Variants in RNF20 observed in about 807,000 individuals in gnomAD.
RNF20 encodes ring finger protein 20, also known as E3 ubiquitin-protein ligase BRE1A.
A neutral mutation model predicts 126.2 loss-of-function variants in RNF20; 84 were observed. The observed-to-expected ratio is 0.67, with a 90% CI of 0.56 to 0.80. RNF20 has a LOEUF of 0.80. Among genes scored for constraint, RNF20 ranks in the 30% least tolerant of loss-of-function variants. The pLI is 0.00. For synonymous variants in RNF20, 400 were observed against 414.3 expected, an observed-to-expected ratio of 0.97 and a Z score of 0.42; for missense variants, 869 against 1,188.2, an observed-to-expected ratio of 0.73 and a Z score of 3.95.
intron 18 of RNF20, 48 bp downstream of exon 18, chr9:101,561,278 TC>T: frequency 6.3e-7 from 1 of 1,588,024 alleles, no homozygotes; most frequent in South Asian, 1.1e-5. Context: ...TTTTCTGAGG[TC>T]GGAAGTGACC....
At chr9:101,541,244 A>T (rs1170424367) in intron 5 of RNF20, among the ~76,000 whole-genome samples, 1 of 151,946 alleles carries the variant, frequency 6.6e-6, no homozygotes, top group African/African-American at 2.4e-5. Flanking sequence ...TAATATTTTA[A>T]CCTTTTTGTA....
At chr9:101,549,625 C>T (rs773533655) in intron 9 of RNF20, among the ~76,000 whole-genome samples, 2 of 152,086 alleles carry the variant, frequency 1.3e-5, no homozygotes, top group Non-Finnish European at 2.9e-5. Flanking sequence ...GGTGTTTTCC[C>T]TTGACACTTA....
rs1827617089 is a variant in RNF20, at chr9:101,560,946, T to C, written c.2508+20T>C. On this transcript the variant is annotated intron_variant, in intron 17 of 19. Transcript: ENST00000389120. ...CGCAAGGTATGATTGATTAATCTAA[T>C]GATGGTTAGTCTCAGTGGAACAAAT... The C allele has an allele frequency of 6.2e-7, 1 of 1,606,710 alleles. No homozygotes were observed. Among genetic ancestry groups the C allele is most frequent in the Admixed American group, 1.7e-5 (1 of 58,482 alleles).
rs1168091949 is a variant in RNF20 at position 101,540,239 on chromosome 9, C to T, written c.166C>T (p.Arg56Cys). 11 of 1,614,106 alleles carry T rather than the reference C, an allele frequency of 6.8e-6. No individual in the cohort carries two copies. The highest frequency in any genetic ancestry group is 1.7e-4 in the Middle Eastern group (1 of 6,060). ...CATTAGAACACTGCAAACCAAAAAT[C>T]GCAAGCTGGCAGAAATGTTGGATCA... The part of the protein sequence containing the change: ...LDIRTLQTKN[R>C]KLAEMLDQRQ... Residue 56 changes from arginine to cysteine, a missense_variant, in exon 3 of 20, where the codon CGC (arginine) becomes TGC (cysteine). Physicochemically the swap from Arg to Cys is radical, Grantham distance 180. Around this residue, in one of 8 missense-constraint regions of RNF20, gnomAD observed 157 missense variants for 236.0 expected, o/e 0.67. Transcript: ENST00000389120.
At chr9:101,561,013 C>A in intron 17 of RNF20, 77 bp from the exon 18 acceptor site, 3 of 1,598,206 alleles carry the variant, frequency 1.9e-6, no homozygotes, top group South Asian at 1.1e-5. Context: ...TTTATTCCTT[C>A]AACTTGGGCT....
rs1368803463 is a variant in RNF20 at position 101,563,156 on chromosome 9, C to CT, written c.*735dup. 2.0e-5 allele frequency: 3 copies of CT among 152,568 alleles called. No homozygotes were observed. In the East Asian group the frequency reaches 5.8e-4, roughly 29 times the overall value. 9.5% of individuals were successfully genotyped at this position (152,568 alleles called of 1,614,324 possible). A position where few individuals can be genotyped will look rare whatever the true frequency, so the allele number is the denominator to read the frequency against. On this transcript the variant is annotated 3_prime_UTR_variant, in exon 20 of 20. Transcript: ENST00000389120. ...AAAGATTGAAGAGGTTGAGTCAGGA[C>CT]TGAGCTGGTGAAGAAATCTTGTGGG...
chr9:101,562,116 G>T, intron 19 of RNF20, 105 bp downstream of exon 19: 1 of 1,289,612 alleles, frequency 7.8e-7, no homozygotes, highest in Non-Finnish European at 1.1e-6. Context: ...GGTTTATTTT[G>T]GAGGTTGGGG....
intron 5 of RNF20, among the ~76,000 whole-genome samples, chr9:101,542,191 T>C (rs1564107598): frequency 6.6e-6 from 1 of 152,236 alleles, no homozygotes; most frequent in Non-Finnish European, 1.5e-5. Context: ...AAGCAGCTTG[T>C]AGAAGGCCTG....
rs1827166621 is a variant in RNF20, at chr9:101,535,394, T to G, written c.-26-4T>G. The stretch of plus-strand genomic sequence containing the variant: ...ATGTCAGTTTCTGCCTTTTTTTCTA[T>G]CAGGAAAACGACTGTCTTCTTCTGC... On this transcript the variant is annotated splice_polypyrimidine_tract_variant and splice_region_variant and intron_variant, in intron 1 of 19. Transcript: ENST00000389120. 1 of 1,602,616 alleles carries G rather than the reference T, an allele frequency of 6.2e-7. No homozygotes were observed. Among genetic ancestry groups the G allele is most frequent in the South Asian group, 1.1e-5 (1 of 89,150 alleles).
At chr9:101,535,177 G>A (rs1588214703) in intron 1 of RNF20, among the ~76,000 whole-genome samples, 1 of 151,792 alleles carries the variant, frequency 6.6e-6, no homozygotes. Context: ...AAAGTGCTGG[G>A]ATTACAGACA....
At chr9:101,542,130 ATT>A (rs1827269014) in intron 5 of RNF20, among the ~76,000 whole-genome samples, 1 of 152,250 alleles carries the variant, frequency 6.6e-6, no homozygotes. Flanking sequence ...GAATTGTATT[ATT>A]CTGTAATTTT....
At chr9:101,541,680 A>G (rs1285644012) in intron 5 of RNF20, among the ~76,000 whole-genome samples, 2 of 152,212 alleles carry the variant, frequency 1.3e-5, no homozygotes, top group Non-Finnish European at 2.9e-5. Context: ...ATTATTAGTT[A>G]CAGAATTTTG....
Position 101,544,895 on chromosome 9 carries a change from C to G in RNF20, c.747+10C>G. 2 of 1,528,324 alleles carry G rather than the reference C, an allele frequency of 1.3e-6. No homozygotes were observed. The highest frequency in any genetic ancestry group is 1.8e-6 in the Non-Finnish European group (2 of 1,102,374). The allele number at this position is 1,528,324 out of a possible 1,614,324, so 94.7% of individuals were successfully genotyped here. A position where few individuals can be genotyped will look rare whatever the true frequency, so the allele number is the denominator to read the frequency against. Reference sequence around the variant, plus strand: ...CACCATGTCTCAGGAGGTACTTAACCAAAAAGGAGAGATGGCTGTGTCTAG... The same window carrying G: ...CACCATGTCTCAGGAGGTACTTAACGAAAAAGGAGAGATGGCTGTGTCTAG... On this transcript the variant is annotated intron_variant, in intron 6 of 19. Coordinates refer to ENST00000389120, the MANE Select transcript of RNF20 (RefSeq NM_019592.7).
chr9:101,542,009 T>A (rs984792976), intron 5 of RNF20, among the ~76,000 whole-genome samples: 2 of 152,230 alleles, frequency 1.3e-5, no homozygotes, highest in Admixed American at 1.3e-4. Context: ...ATAATCATGG[T>A]CTAGTTGTAA....
chr9:101,540,679 GT>G (rs1243805672), intron 4 of RNF20, 42 bp downstream of exon 4: 6 of 1,608,420 alleles, frequency 3.7e-6, no homozygotes, highest in Non-Finnish European at 4.2e-6. Context: ...TGCTATCTGG[GT>G]TTTTAAAGTA....
intron 12 of RNF20, 26 bp downstream of exon 12, chr9:101,552,288 T>A: frequency 6.2e-7 from 1 of 1,614,020 alleles, no homozygotes; most frequent in Non-Finnish European, 8.5e-7. Flanking sequence ...AGAATAAATA[T>A]CATTTGCTAT....
chr9:101,563,037 AT>A lies in RNF20; in HGVS notation c.*618del, dbSNP rs1237699109. On this transcript the variant is annotated 3_prime_UTR_variant, in exon 20 of 20. Coordinates refer to ENST00000389120, the MANE Select transcript of RNF20 (RefSeq NM_019592.7). Reference sequence around the variant, plus strand: ...ATCAGCTGGCTTTCTTGTTAAAGTTATTTAAGTTTTGAATGCTCTACTACTT... The same window carrying A: ...ATCAGCTGGCTTTCTTGTTAAAGTTATTAAGTTTTGAATGCTCTACTACTT... The A allele has an allele frequency of 6.6e-6, 1 of 152,234 alleles. No individual in the cohort carries two copies. The highest frequency in any genetic ancestry group is 2.4e-5 in the African/African-American group (1 of 41,444). 9.4% of individuals were successfully genotyped at this position (152,234 alleles called of 1,614,324 possible).
Position 101,554,013 on chromosome 9 carries a change from A to AT in RNF20, c.1928dup (p.Met643IlefsTer25). 6.2e-7 allele frequency: 1 copy of AT among 1,613,100 alleles called. No homozygotes were observed. Among genetic ancestry groups the AT allele is most frequent in the Non-Finnish European group, 8.5e-7 (1 of 1,179,266 alleles). On this transcript the variant is annotated frameshift_variant, in exon 14 of 20. Coordinates refer to ENST00000389120, the MANE Select transcript of RNF20 (RefSeq NM_019592.7). LOFTEE classifies it high-confidence loss of function. The stretch of plus-strand genomic sequence containing the variant: ...GAAGGCACAGGAGAGCCAAAAGGAG[A>AT]TGAAACTATTGCTGGATATGTACCG...
At chr9:101,537,786 G>A (rs1380254242) in intron 2 of RNF20, among the ~76,000 whole-genome samples, 2 of 152,160 alleles carry the variant, frequency 1.3e-5, no homozygotes, top group African/African-American at 4.8e-5. Flanking sequence ...GGTTTCAGTT[G>A]GAACAAGGGG....
Sources: gnomAD v4.1 joint callset for allele counts (sites outside exome capture counted in the v4.1 genomes callset) on GRCh38, gnomAD v4.1.1 for gene constraint, gnomAD v4.1.1 regional missense constraint, MANE v1.5 for transcripts, NCBI Gene and HGNC (gene_info 2026-07-23, HGNC 2026-07-21) for gene names.